The following GRID2 variants were observed in gnomAD, a reference collection of about 807,000 sequenced individuals.
GRID2 encodes the protein glutamate receptor ionotropic, delta-2.
GRID2 carries 33 observed loss-of-function variants against 114.8 expected under a neutral mutation model. That is an observed-to-expected ratio of 0.29 (90% CI 0.22 to 0.38). The LOEUF (loss-of-function observed/expected upper bound fraction) is 0.38. Among genes scored for constraint, GRID2 ranks in the 10% least tolerant of loss-of-function variants. GRID2 has a pLI of 1.00. For missense variants in GRID2, 1,184 were observed against 1,257.7 expected (o/e 0.94, Z 0.89); for synonymous variants, 505 against 449.9 (o/e 1.12, Z -1.55).
chr4:93,240,672 CAG>C (rs1247886048), intron 8 of GRID2, among the ~76,000 whole-genome samples: 2 of 151,230 alleles, frequency 1.3e-5, no homozygotes, highest in Admixed American at 6.6e-5. Flanking sequence ...CCCTATCCCC[CAG>C]AGTCATGAAT....
intron 1 of GRID2, among the ~76,000 whole-genome samples, chr4:92,536,316 C>A (rs2149157633): frequency 6.6e-6 from 1 of 152,050 alleles, no homozygotes; most frequent in Admixed American, 6.5e-5. Context: ...GTTTACAAAC[C>A]TTTAGCTGGA....
intron 14 of GRID2, among the ~76,000 whole-genome samples, chr4:93,761,782 A>G (rs577229306): frequency 2.0e-5 from 3 of 152,316 alleles, no homozygotes; most frequent in African/African-American, 7.2e-5. Flanking sequence ...GAGGTATTAG[A>G]TGCTATCAAT....
chr4:92,494,929 T>C (rs987321254), intron 1 of GRID2, among the ~76,000 whole-genome samples: 2 of 152,046 alleles, frequency 1.3e-5, no homozygotes, highest in African/African-American at 4.8e-5. Context: ...ATAAAAATTA[T>C]GCAGTGAATT....
intron 2 of GRID2, among the ~76,000 whole-genome samples, chr4:92,744,777 C>T (rs1192327931): frequency 6.6e-6 from 1 of 152,116 alleles, no homozygotes; most frequent in Middle Eastern, 3.2e-3. Flanking sequence ...TATTTACCTA[C>T]TCATTATGTT....
At chr4:93,068,538 T>C (rs890597196) in intron 2 of GRID2, among the ~76,000 whole-genome samples, 15 of 152,098 alleles carry the variant, frequency 9.9e-5, no homozygotes, top group Admixed American at 8.5e-4. Flanking sequence ...AACTATGTCA[T>C]AGTAGATGTA....
chr4:93,592,261 T>C (rs1738439261), intron 13 of GRID2, among the ~76,000 whole-genome samples: 1 of 152,192 alleles, frequency 6.6e-6, no homozygotes, highest in Non-Finnish European at 1.5e-5. Flanking sequence ...GTTGTGTCTT[T>C]GTTCTCGTTG....
chr4:92,848,174 T>C lies in GRID2; in HGVS notation c.245-236821T>C, dbSNP rs2149418815. 2.6e-5 allele frequency among the ~76,000 whole-genome samples: 4 copies of C among 151,918 alleles called. No homozygotes were observed. The Middle Eastern group carries it at 0.014, about 520-fold the overall frequency. On this transcript the variant is annotated intron_variant, in intron 2 of 15. Coordinates refer to ENST00000282020, the MANE Select transcript of GRID2 (RefSeq NM_001510.4). ...AGCTCGAAATCAGTCTTTTTGGAAG[T>C]GTTCACACCACAGAAATCAACAAAC...
chr4:93,078,500 G>GGT (rs1349398399), intron 2 of GRID2, among the ~76,000 whole-genome samples: 2 of 150,188 alleles, frequency 1.3e-5, no homozygotes, highest in Non-Finnish European at 3.0e-5. Flanking sequence ...ATAATATACA[G>GGT]GTATATATAT....
At chr4:93,166,798 A>G (rs1738291391) in intron 4 of GRID2, among the ~76,000 whole-genome samples, 1 of 152,072 alleles carries the variant, frequency 6.6e-6, no homozygotes, top group African/African-American at 2.4e-5. Flanking sequence ...GTCTCCTTGA[A>G]ATAAGTACTA....
intron 10 of GRID2, 96 bp downstream of exon 10, chr4:93,423,064 T>C (rs1286230973): frequency 1.2e-6 from 1 of 818,596 alleles, no homozygotes; most frequent in Non-Finnish European, 2.0e-6. Context: ...GCTGATTTCA[T>C]ATAAAATAAG....
chr4:93,051,572 C>T (rs559730027), intron 2 of GRID2, among the ~76,000 whole-genome samples: 5 of 151,982 alleles, frequency 3.3e-5, no homozygotes, highest in East Asian at 3.9e-4. Context: ...TTGAAAAGTT[C>T]GGTAACTTGT....
intron 9 of GRID2, among the ~76,000 whole-genome samples, chr4:93,419,742 C>T (rs970209381): frequency 3.9e-5 from 6 of 152,012 alleles, no homozygotes; most frequent in Non-Finnish European, 7.4e-5. Context: ...TGACAGCAGA[C>T]TTGTGCAAGG....
chr4:92,569,628 A>G (rs929662472), intron 1 of GRID2, among the ~76,000 whole-genome samples: 2 of 152,094 alleles, frequency 1.3e-5, no homozygotes, highest in African/African-American at 4.8e-5. Flanking sequence ...CAACCTTGCC[A>G]GCATCTGTTG....
At chr4:93,036,680 C>T (rs1724965582) in intron 2 of GRID2, among the ~76,000 whole-genome samples, 2 of 152,026 alleles carry the variant, frequency 1.3e-5, no homozygotes, top group Admixed American at 6.5e-5. Context: ...GTGTAATTTA[C>T]TTTCTTTTAT....
At chr4:93,298,673 G>A (rs1754561284) in intron 8 of GRID2, among the ~76,000 whole-genome samples, 1 of 152,180 alleles carries the variant, frequency 6.6e-6, no homozygotes, top group South Asian at 2.1e-4. Flanking sequence ...TCAAATTTCA[G>A]CTTAATCACC....
chr4:93,173,921 G>A (rs1739094000), intron 4 of GRID2, among the ~76,000 whole-genome samples: 1 of 152,094 alleles, frequency 6.6e-6, no homozygotes, highest in Admixed American at 6.6e-5. Context: ...ACTGCAACCA[G>A]CCTGGATTTT....
chr4:93,301,478 A>G (rs563828723), intron 8 of GRID2, among the ~76,000 whole-genome samples: 2 of 152,302 alleles, frequency 1.3e-5, no homozygotes, highest in East Asian at 3.9e-4. Context: ...AAGAGACTAA[A>G]AGCATTATGT....
In GRID2 at chr4:93,074,189, C is replaced by G. The variant is rs188350651; in HGVS notation, c.245-10806C>G. ...GTGAGGGCAACAACAAGACACATATCCATATCAATTCCTGACTAGATTGCT... is the reference window on the plus strand; with the variant it reads ...GTGAGGGCAACAACAAGACACATATGCATATCAATTCCTGACTAGATTGCT... On this transcript the variant is annotated intron_variant, in intron 2 of 15. Coordinates refer to ENST00000282020, the MANE Select transcript of GRID2 (RefSeq NM_001510.4). 6.0e-3 allele frequency among the ~76,000 whole-genome samples: 920 copies of G among 152,300 alleles called. 6 individuals are homozygous for G. Among genetic ancestry groups the G allele is most frequent in the Non-Finnish European group, 9.7e-3 (659 of 68,020 alleles).
intron 2 of GRID2, among the ~76,000 whole-genome samples, chr4:92,912,496 AAAAAT>A (rs1748466367): frequency 6.6e-6 from 1 of 151,920 alleles, no homozygotes; most frequent in Admixed American, 6.6e-5. Flanking sequence ...TGTACAGAAA[AAAAAT>A]GTTTATCATT....
Sources: allele counts gnomAD v4.1 joint callset (sites outside exome capture counted in the v4.1 genomes callset), GRCh38; gene constraint gnomAD v4.1.1; transcripts MANE v1.5; gene names NCBI Gene and HGNC (gene_info 2026-07-23, HGNC 2026-07-21).